The following PRKD3 variants were observed in gnomAD, a reference collection of about 807,000 sequenced individuals.
The protein encoded by PRKD3 is serine/threonine-protein kinase D3.
A neutral mutation model predicts 99.2 loss-of-function variants in PRKD3; 47 were observed. That is an observed-to-expected ratio of 0.47 (90% CI 0.38 to 0.60). The LOEUF (loss-of-function observed/expected upper bound fraction) is 0.60. PRKD3 is among the 20% of genes least tolerant of loss of function. The pLI is 0.00. For missense variants in PRKD3, 1,019 were observed against 1,088.4 expected (o/e 0.94, Z 0.90); for synonymous variants, 392 against 355.4 (o/e 1.10, Z -1.16).
chr2:37,302,765 T>C (rs1268371660), intron 2 of PRKD3, among the ~76,000 whole-genome samples: 2 of 152,108 alleles, frequency 1.3e-5, no homozygotes, highest in Non-Finnish European at 2.9e-5. Context: ...TTGCCCAGGC[T>C]GGTCTCCATC....
rs1671703352 is a variant in PRKD3 at position 37,317,187 on chromosome 2, G to A, written c.-655-8C>T. 1 of 962,372 alleles carries A rather than the reference G, an allele frequency of 1.0e-6. No homozygotes were observed. The highest frequency in any genetic ancestry group is 1.1e-4 in the East Asian group (1 of 8,724). The allele number at this position is 962,372 out of a possible 1,614,324, so 59.6% of individuals were successfully genotyped here. ...TTCTGACATATAGTTAGCCTGGAAG[G>A]AAATTTTTTAAAGGTTTTTAATACT... On this transcript the variant is annotated splice_polypyrimidine_tract_variant and splice_region_variant and intron_variant, in intron 1 of 18. Coordinates refer to ENST00000234179, the MANE Select transcript of PRKD3 (RefSeq NM_005813.6).
At chr2:37,287,061 T>C (rs1043978506) in intron 5 of PRKD3, among the ~76,000 whole-genome samples, 11 of 150,788 alleles carry the variant, frequency 7.3e-5, no homozygotes, top group African/African-American at 2.7e-4. Context: ...AGAAACCCCG[T>C]CTCTACTAAA....
intron 1 of PRKD3, among the ~76,000 whole-genome samples, chr2:37,317,571 C>T (rs1199164916): frequency 1.3e-5 from 2 of 151,974 alleles, no homozygotes; most frequent in Non-Finnish European, 2.9e-5. Flanking sequence ...GCCACCCCAC[C>T]ACACAAAAGA....
rs1437677276 is a variant in PRKD3 at position 37,252,781 on chromosome 2, A to G, written c.*396T>C. The G allele has an allele frequency of 6.6e-6, 1 of 151,490 alleles. No individual in the cohort carries two copies. Among genetic ancestry groups the G allele is most frequent in the Non-Finnish European group, 1.5e-5 (1 of 67,886 alleles). The allele number at this position is 151,490 out of a possible 1,614,324, so 9.4% of individuals were successfully genotyped here. On this transcript the variant is annotated 3_prime_UTR_variant, in exon 19 of 19. Coordinates refer to ENST00000234179, the MANE Select transcript of PRKD3 (RefSeq NM_005813.6). ...AAGTCTTGTATAATTTAGCCAAGCTATATAGTAACTGGATGCTAGCTTGAC... is the reference window on the plus strand; with the variant it reads ...AAGTCTTGTATAATTTAGCCAAGCTGTATAGTAACTGGATGCTAGCTTGAC...
intron 2 of PRKD3, among the ~76,000 whole-genome samples, chr2:37,306,096 A>C (rs1176217966): frequency 2.7e-5 from 4 of 148,876 alleles, no homozygotes; most frequent in Non-Finnish European, 4.4e-5. Context: ...AACATACTAC[A>C]CCAGTAACAG....
Position 37,279,903 on chromosome 2 carries a change from C to A in PRKD3, c.1015G>T (p.Asp339Tyr), listed in dbSNP as rs1325390732. ...TTATTGTCAATATCCATTGGTATAT[C>A]TGTATCTGTTCCCAGACTGGAAGGT... ...GEPSSLGTDT[D>Y]IPMDIDNNDI... The change falls in exon 8 of 19, where the codon GAT (aspartate) becomes TAT (tyrosine). Residue 339 changes from aspartate (D) to tyrosine (Y), a missense_variant. Asp to Tyr is a radical substitution (Grantham distance 160). Coordinates refer to ENST00000234179, the MANE Select transcript of PRKD3 (RefSeq NM_005813.6). 4 of 1,609,950 alleles carry A rather than the reference C, an allele frequency of 2.5e-6. No homozygotes were observed. Among genetic ancestry groups the A allele is most frequent in the Non-Finnish European group, 3.4e-6 (4 of 1,178,354 alleles).
intron 2 of PRKD3, among the ~76,000 whole-genome samples, chr2:37,307,107 G>A (rs1195894342): frequency 6.6e-6 from 1 of 152,138 alleles, no homozygotes; most frequent in African/African-American, 2.4e-5. Context: ...CTAGATGCTG[G>A]AAGCCCCCCT....
rs1275563482 is a variant in PRKD3 at position 37,259,571 on chromosome 2, A to G, written c.2145+12T>C. The G allele has an allele frequency of 6.3e-7, 1 of 1,591,474 alleles. No individual in the cohort carries two copies. The highest frequency in any genetic ancestry group is 8.6e-7 in the Non-Finnish European group (1 of 1,160,696). ...GCCAGAATCATTTAAAAGGTTCTGG[A>G]GAATATCTCACCTGAGGAAATGGCT... On this transcript the variant is annotated intron_variant, in intron 16 of 18. Coordinates refer to ENST00000234179, the MANE Select transcript of PRKD3 (RefSeq NM_005813.6).
chr2:37,257,429 G>A (rs1265859226), intron 16 of PRKD3, among the ~76,000 whole-genome samples: 3 of 152,038 alleles, frequency 2.0e-5, no homozygotes, highest in Non-Finnish European at 4.4e-5. Context: ...ACTTTGGGAG[G>A]CCGAGGCGGG....
Position 37,256,730 on chromosome 2 carries a change from A to G in PRKD3, c.2345T>C (p.Ile782Thr), listed in dbSNP as rs760727982. The G allele has an allele frequency of 6.3e-7, 1 of 1,583,856 alleles. No homozygotes were observed. Among genetic ancestry groups the G allele is most frequent in the Non-Finnish European group, 8.5e-7 (1 of 1,170,688 alleles). The change falls in exon 17 of 19, where the codon ATA becomes ACA. Residue 782 changes from isoleucine (I) to threonine (T), a missense_variant. Ile to Thr is a moderately conservative substitution (Grantham distance 89). Around this residue, in one of 3 missense-constraint regions of PRKD3, gnomAD observed 184 missense variants for 275.1 expected, o/e 0.67. Transcript: ENST00000234179. ...TGCAGCATTTTGGATTTGGTCATTT[A>G]TATCTTCATCCTCATTAAAAGGAAA... ...GTFPFNEDED[I>T]NDQIQNAAFM...
At chr2:37,311,580 T>A (rs1214013013) in intron 2 of PRKD3, among the ~76,000 whole-genome samples, 1 of 152,202 alleles carries the variant, frequency 6.6e-6, no homozygotes, top group African/African-American at 2.4e-5. Context: ...ACTGAAAATC[T>A]ACCTAGAATT....
At chr2:37,287,004 G>A (rs967589508) in intron 5 of PRKD3, among the ~76,000 whole-genome samples, 1 of 151,788 alleles carries the variant, frequency 6.6e-6, no homozygotes, top group Non-Finnish European at 1.5e-5. Context: ...GCCGAGGTGG[G>A]CGGATCACCT....
At chr2:37,283,157 C>T (rs1433140434) in intron 6 of PRKD3, among the ~76,000 whole-genome samples, 2 of 152,200 alleles carry the variant, frequency 1.3e-5, no homozygotes, top group East Asian at 3.8e-4. Flanking sequence ...AGATCAGTGT[C>T]AGGTACAATC....
At chr2:37,322,226 G>A (rs1260319772) in intron 1 of PRKD3, among the ~76,000 whole-genome samples, 1 of 152,096 alleles carries the variant, frequency 6.6e-6, no homozygotes, top group Non-Finnish European at 1.5e-5. Flanking sequence ...CTTAGTAATT[G>A]TTCTTGCTTT....
At position 37,278,075 on chromosome 2, in the gene PRKD3, C is replaced by A. The variant is rs1669661422; in HGVS notation, c.1173-86G>T. The A allele has an allele frequency of 4.3e-6, 5 of 1,168,852 alleles. No individual in the cohort carries two copies. In the Admixed American group the frequency reaches 9.4e-5, roughly 22 times the overall value. 72.4% of individuals were successfully genotyped at this position (1,168,852 alleles called of 1,614,324 possible). A position where few individuals can be genotyped will look rare whatever the true frequency, so the allele number is the denominator to read the frequency against. On this transcript the variant is annotated intron_variant, in intron 8 of 18. Transcript: ENST00000234179. ...TAGGAACATGAAGCCTTTTTAAAGA[C>A]AACTGAGCTAAAATTTTTCAAAATA... is the stretch of plus-strand genomic sequence containing the variant.
chr2:37,280,376 A>G (rs960562456), intron 7 of PRKD3, among the ~76,000 whole-genome samples: 2 of 152,180 alleles, frequency 1.3e-5, no homozygotes, highest in Non-Finnish European at 2.9e-5. Context: ...GAAGATAAAA[A>G]ATACACAAAT....
intron 15 of PRKD3, 129 bp from the exon 16 acceptor site, chr2:37,259,810 TGCTCCTTAAG>T: frequency 1.5e-6 from 1 of 652,942 alleles, no homozygotes; most frequent in Non-Finnish European, 2.7e-6. Flanking sequence ...TGTGTTATTC[TGCTCCTTAAG>T]GTTAACAATT....
chr2:37,314,550 T>C (rs1450233400), intron 2 of PRKD3, among the ~76,000 whole-genome samples: 1 of 152,176 alleles, frequency 6.6e-6, no homozygotes, highest in Non-Finnish European at 1.5e-5. Flanking sequence ...ATTAGCTCAA[T>C]TTAGCCATTA....
At chr2:37,308,344 A>AG (rs1325819163) in intron 2 of PRKD3, among the ~76,000 whole-genome samples, 2 of 152,110 alleles carry the variant, frequency 1.3e-5, no homozygotes, top group South Asian at 2.1e-4. Flanking sequence ...TGCTGTCCAG[A>AG]GGTTTGATAG....
Sources: allele counts gnomAD v4.1 joint callset (sites outside exome capture counted in the v4.1 genomes callset), GRCh38; gene constraint gnomAD v4.1.1; regional missense constraint gnomAD v4.1.1; transcripts MANE v1.5; gene names NCBI Gene and HGNC (gene_info 2026-07-23, HGNC 2026-07-21).